The following HS6ST3 variants were observed in gnomAD, a reference collection of about 807,000 sequenced individuals.
HS6ST3 encodes heparan sulfate 6-O-sulfotransferase 3.
HS6ST3 carries 12 observed loss-of-function variants against 36.7 expected under a neutral mutation model. The observed-to-expected ratio is 0.33, with a 90% CI of 0.21 to 0.53. HS6ST3 has a LOEUF of 0.53. Ranked by LOEUF, HS6ST3 falls within the 20% of genes least tolerant of loss-of-function variation. HS6ST3 has a pLI of 0.95. For synonymous variants in HS6ST3, 240 were observed against 257.5 expected, an observed-to-expected ratio of 0.93 and a Z score of 0.65; for missense variants, 584 against 640.9, an observed-to-expected ratio of 0.91 and a Z score of 0.96.
intron 1 of HS6ST3, among the ~76,000 whole-genome samples, chr13:96,567,813 C>G (rs1297427371): frequency 6.6e-6 from 1 of 152,082 alleles, no homozygotes; most frequent in Non-Finnish European, 1.5e-5. Context: ...GCAACCAGAA[C>G]AAATGAGCAT....
chr13:96,215,672 TA>T (rs1367670362), intron 1 of HS6ST3, among the ~76,000 whole-genome samples: 7 of 151,938 alleles, frequency 4.6e-5, no homozygotes, highest in African/African-American at 9.7e-5. Flanking sequence ...TTTTTCCCTT[TA>T]TTTTTTTTTA....
chr13:96,228,487 A>G (rs2054491908), intron 1 of HS6ST3, among the ~76,000 whole-genome samples: 1 of 152,160 alleles, frequency 6.6e-6, no homozygotes, highest in South Asian at 2.1e-4. Flanking sequence ...GCTGGTCTTA[A>G]ACTCCTGATC....
At chr13:96,457,598 T>G (rs1385728810) in intron 1 of HS6ST3, among the ~76,000 whole-genome samples, 1 of 152,124 alleles carries the variant, frequency 6.6e-6, no homozygotes, top group African/African-American at 2.4e-5. Context: ...GATTGGACAG[T>G]ATTGATTCCA....
intron 1 of HS6ST3, among the ~76,000 whole-genome samples, chr13:96,337,592 T>C (rs1385713714): frequency 6.6e-6 from 1 of 152,112 alleles, no homozygotes; most frequent in Non-Finnish European, 1.5e-5. Flanking sequence ...ACTTGGAACA[T>C]TGTAGTTCTC....
chr13:96,475,547 A>G (rs754813741), intron 1 of HS6ST3, among the ~76,000 whole-genome samples: 3 of 151,680 alleles, frequency 2.0e-5, no homozygotes, highest in Non-Finnish European at 4.4e-5. Flanking sequence ...GACACGTATC[A>G]GCAAAAGCTA....
chr13:96,129,391 G>A (rs1468849005), intron 1 of HS6ST3, among the ~76,000 whole-genome samples: 1 of 152,224 alleles, frequency 6.6e-6, no homozygotes, highest in Non-Finnish European at 1.5e-5. Flanking sequence ...GTAAGTTACA[G>A]AGGGTGGAAC....
chr13:96,379,806 T>C (rs1037471574), intron 1 of HS6ST3, among the ~76,000 whole-genome samples: 3 of 152,174 alleles, frequency 2.0e-5, no homozygotes, highest in African/African-American at 7.2e-5. Context: ...GAGAACTGGG[T>C]TAAAAATTGC....
chr13:96,424,391 A>G (rs2055576329), intron 1 of HS6ST3, among the ~76,000 whole-genome samples: 1 of 152,246 alleles, frequency 6.6e-6, no homozygotes, highest in Non-Finnish European at 1.5e-5. Context: ...TAGAAATATT[A>G]TACACATTAA....
At chr13:96,165,941 G>T (rs2054158080) in intron 1 of HS6ST3, among the ~76,000 whole-genome samples, 1 of 152,090 alleles carries the variant, frequency 6.6e-6, no homozygotes, top group African/African-American at 2.4e-5. Flanking sequence ...CTTTATTTAA[G>T]GCTGTTGCCC....
chr13:96,349,548 A>G (rs931316838), intron 1 of HS6ST3, among the ~76,000 whole-genome samples: 1 of 152,246 alleles, frequency 6.6e-6, no homozygotes, highest in African/African-American at 2.4e-5. Context: ...ATGAAGATTC[A>G]GAGTATAGGG....
chr13:96,588,667 T>A (rs2056370981), intron 1 of HS6ST3, among the ~76,000 whole-genome samples: 1 of 152,206 alleles, frequency 6.6e-6, no homozygotes, highest in Non-Finnish European at 1.5e-5. Context: ...GCATCTATAT[T>A]CATCAAGTGT....
chr13:96,312,625 T>G (rs2054947156), intron 1 of HS6ST3, among the ~76,000 whole-genome samples: 1 of 152,120 alleles, frequency 6.6e-6, no homozygotes. Flanking sequence ...TATTTGGAAT[T>G]TATGTTATTA....
intron 1 of HS6ST3, among the ~76,000 whole-genome samples, chr13:96,489,441 CATGTTT>C (rs2055933928): frequency 2.6e-5 from 4 of 151,452 alleles, no homozygotes. Flanking sequence ...AAATAAAAAA[CATGTTT>C]CTATTTTTGA....
chr13:96,643,613 T>C (rs1482131094), intron 1 of HS6ST3, among the ~76,000 whole-genome samples: 1 of 151,788 alleles, frequency 6.6e-6, no homozygotes, highest in African/African-American at 2.4e-5. Flanking sequence ...TGAAAGCTCA[T>C]TGGGTGAGCT....
At chr13:96,389,427 T>C (rs546812206) in intron 1 of HS6ST3, among the ~76,000 whole-genome samples, 200 of 152,250 alleles carry the variant, frequency 1.3e-3, no homozygotes, top group African/African-American at 4.5e-3. Flanking sequence ...TGGAAATAAA[T>C]ATGTATATCA....
chr13:96,134,728 C>A (rs2053992805), intron 1 of HS6ST3, among the ~76,000 whole-genome samples: 1 of 152,136 alleles, frequency 6.6e-6, no homozygotes, highest in African/African-American at 2.4e-5. Flanking sequence ...TTTGTCCTGA[C>A]CGTCTCTCAC....
At chr13:96,479,269 AT>A (rs2055878632) in intron 1 of HS6ST3, among the ~76,000 whole-genome samples, 1 of 152,220 alleles carries the variant, frequency 6.6e-6, no homozygotes, top group Non-Finnish European at 1.5e-5. Flanking sequence ...TTTCAGGAAG[AT>A]GGAACAGTGA....
chr13:96,279,279 C>T (rs1169352599), intron 1 of HS6ST3, among the ~76,000 whole-genome samples: 3 of 152,096 alleles, frequency 2.0e-5, no homozygotes, highest in Non-Finnish European at 4.4e-5. Context: ...TGCTGTCTCT[C>T]CACATACTTA....
intron 1 of HS6ST3, among the ~76,000 whole-genome samples, chr13:96,175,253 G>T (rs2139336679): frequency 6.6e-6 from 1 of 152,250 alleles, no homozygotes; most frequent in East Asian, 1.9e-4. Flanking sequence ...CGGGTGAGTG[G>T]AAATGCAGAG....
Sources: gnomAD v4.1 joint callset for allele counts (sites outside exome capture counted in the v4.1 genomes callset) on GRCh38, gnomAD v4.1.1 for gene constraint, MANE v1.5 for transcripts, NCBI Gene and HGNC (gene_info 2026-07-23, HGNC 2026-07-21) for gene names.